CELF2: variants seen among roughly 807,000 people sequenced by gnomAD.
CELF2 encodes CUGBP Elav-like family member 2, also known as CUG triplet repeat RNA-binding protein 2.
CELF2 carries 8 observed loss-of-function variants against 62.6 expected under a neutral mutation model. That is an observed-to-expected ratio of 0.13 (90% CI 0.07 to 0.23). CELF2 has a LOEUF of 0.23. CELF2 is among the 10% of genes least tolerant of loss of function. CELF2 has a pLI of 1.00. For synonymous variants in CELF2, 258 were observed against 250.0 expected (o/e 1.03, Z -0.30); for missense variants, 333 against 671.0 (o/e 0.50, Z 5.56).
At chr10:11,271,519 G>A (rs953430986) in intron 7 of CELF2, among the ~76,000 whole-genome samples, 4 of 152,188 alleles carry the variant, frequency 2.6e-5, no homozygotes, top group African/African-American at 9.7e-5. Flanking sequence ...TGAGAGCGGC[G>A]TTTGTAGTAA....
the CELF2 span, among the ~76,000 whole-genome samples, chr10:10,604,577 T>C: frequency 6.6e-6 from 1 of 152,184 alleles, no homozygotes; most frequent in African/African-American, 2.4e-5. Context: ...ATAAAATGTA[T>C]TGAATTTACT....
At chr10:10,484,790 A>C in the CELF2 span, among the ~76,000 whole-genome samples, 1 of 152,118 alleles carries the variant, frequency 6.6e-6, no homozygotes, top group Non-Finnish European at 1.5e-5. Context: ...AATACTATCA[A>C]ATCACACAAT....
In CELF2 at chr10:11,156,549, T is replaced by C. The variant is rs1008720107; in HGVS notation, c.75-8937T>C. Reference sequence around the variant, plus strand: ...AAGGCTTACTTATTTGCCTATTTCATGCCCACTCTAGAATATAACTCCGTG... The same window carrying C: ...AAGGCTTACTTATTTGCCTATTTCACGCCCACTCTAGAATATAACTCCGTG... On this transcript the variant is annotated intron_variant, in intron 1 of 12. Transcript: ENST00000633077. The surrounding 1 kb of genome is among the most constrained non-coding windows in gnomAD (Gnocchi z 4.3). Among the ~76,000 whole-genome samples the C allele has an allele frequency of 3.3e-5, 5 of 152,202 alleles. No homozygotes were observed. The highest frequency in any genetic ancestry group is 7.2e-5 in the African/African-American group (3 of 41,438).
chr10:11,320,628 GTAA>G, intron 10 of CELF2, among the ~76,000 whole-genome samples: 1 of 152,212 alleles, frequency 6.6e-6, no homozygotes, highest in Middle Eastern at 3.4e-3. Flanking sequence ...TTCCCACACT[GTAA>G]CTCCTCAAAC....
At position 11,302,789 on chromosome 10, in the gene CELF2, A is replaced by G. The variant is rs1038909038; in HGVS notation, c.977-11350A>G. Among the ~76,000 whole-genome samples, 2 of 152,168 alleles carry G rather than the reference A, an allele frequency of 1.3e-5. No individual in the cohort carries two copies. The highest frequency in any genetic ancestry group is 2.1e-4 in the South Asian group (1 of 4,822). On this transcript the variant is annotated intron_variant, in intron 9 of 12. Transcript: ENST00000633077. The surrounding 1 kb of genome is among the most constrained non-coding windows in gnomAD (Gnocchi z 5.0). ...TTTGTTCTCGGGTCTCTAAATTGAC[A>G]TGAGATTTTCACATTGTTCCGCTGT...
chr10:10,741,656 A>T, the CELF2 span, among the ~76,000 whole-genome samples: 1 of 152,144 alleles, frequency 6.6e-6, no homozygotes, highest in African/African-American at 2.4e-5. Flanking sequence ...CTGCCTTCTC[A>T]GTGCTTCAAA....
the CELF2 span, among the ~76,000 whole-genome samples, chr10:10,790,277 G>C: frequency 6.6e-6 from 1 of 151,824 alleles, no homozygotes; most frequent in Non-Finnish European, 1.5e-5. Flanking sequence ...ATTTGTTAAC[G>C]TTTGTGCTAA....
the CELF2 span, among the ~76,000 whole-genome samples, chr10:10,760,929 T>G: frequency 1.1e-4 from 17 of 152,272 alleles, no homozygotes; most frequent in African/African-American, 4.1e-4. Flanking sequence ...GAGTTTGGAC[T>G]TTATCTTAAG....
Position 11,321,427 on chromosome 10 carries a change from A to G in CELF2, c.1294+41A>G. ...GGCCCCAGGCAGGGCCCAGCCCAACAGGCAGCACTGGCCTCTAGAGCACGG... is the reference window on the plus strand; with the variant it reads ...GGCCCCAGGCAGGGCCCAGCCCAACGGGCAGCACTGGCCTCTAGAGCACGG... On this transcript the variant is annotated intron_variant, in intron 11 of 12. Coordinates refer to ENST00000633077, the MANE Select transcript of CELF2 (RefSeq NM_001326342.2). This position sits in a 1 kb window ranked among gnomAD's most constrained non-coding sequence, Gnocchi z 6.2. The G allele has an allele frequency of 6.5e-7, 1 of 1,542,512 alleles. No homozygotes were observed. The highest frequency in any genetic ancestry group is 8.8e-7 in the Non-Finnish European group (1 of 1,130,478).
At chr10:10,572,777 T>G in the CELF2 span, among the ~76,000 whole-genome samples, 1 of 152,216 alleles carries the variant, frequency 6.6e-6, no homozygotes, top group Non-Finnish European at 1.5e-5. Flanking sequence ...GCATTTGGGT[T>G]GTTTCCATGT....
At chr10:10,737,039 C>T in the CELF2 span, among the ~76,000 whole-genome samples, 451 of 152,094 alleles carry the variant, frequency 3.0e-3, 3 homozygotes, top group Non-Finnish European at 3.1e-3. Context: ...GACCCTATGA[C>T]GGATGAGCCA....
At position 11,187,525 on chromosome 10, in the gene CELF2, T is replaced by C. The variant is rs187194474; in HGVS notation, c.271+21843T>C. On this transcript the variant is annotated intron_variant, in intron 2 of 12. Transcript: ENST00000633077. ...GAGTGTTTAGATAATTAACATATAA[T>C]GTAATTGTTGATAAAGTTTGGTTTA... 6.0e-3 allele frequency among the ~76,000 whole-genome samples: 919 copies of C among 152,236 alleles called. 6 individuals are homozygous for C. The highest frequency in any genetic ancestry group is 9.9e-3 in the Non-Finnish European group (671 of 68,004).
chr10:10,759,052 C>T, the CELF2 span, among the ~76,000 whole-genome samples: 1 of 152,172 alleles, frequency 6.6e-6, no homozygotes, highest in Non-Finnish European at 1.5e-5. Flanking sequence ...CAGATCCTTG[C>T]TTCACAGAGA....
At chr10:11,044,082 A>T (rs2062361601) in intron 1 of CELF2, among the ~76,000 whole-genome samples, 1 of 152,136 alleles carries the variant, frequency 6.6e-6, no homozygotes. Context: ...TTCTTCTAAG[A>T]ATCTACTTAG....
Position 11,008,063 on chromosome 10 carries a change from T to C in CELF2, c.53+2623T>C, listed in dbSNP as rs540788401. Among the ~76,000 whole-genome samples the C allele has an allele frequency of 6.6e-6, 1 of 152,274 alleles. No individual in the cohort carries two copies. Among genetic ancestry groups the C allele is most frequent in the South Asian group, 2.1e-4 (1 of 4,814 alleles). On this transcript the variant is annotated intron_variant, in intron 1 of 12. Transcript: ENST00000416382. This position sits in a 1 kb window ranked among gnomAD's most constrained non-coding sequence, Gnocchi z 4.5. ...TTCCTTTCACCTGATAGGGACGGTG[T>C]GAGGTTGCCCGAAGCTGGCAAACTT...
At chr10:10,488,615 T>G in the CELF2 span, among the ~76,000 whole-genome samples, 1 of 152,148 alleles carries the variant, frequency 6.6e-6, no homozygotes, top group Non-Finnish European at 1.5e-5. Flanking sequence ...ACAAGGAGAT[T>G]AATTGCTCAA....
chr10:11,178,991 C>T lies in CELF2; in HGVS notation c.271+13309C>T, dbSNP rs1028561009. 1.3e-5 allele frequency among the ~76,000 whole-genome samples: 2 copies of T among 152,218 alleles called. No homozygotes were observed. Among genetic ancestry groups the T allele is most frequent in the Non-Finnish European group, 2.9e-5 (2 of 68,040 alleles). On this transcript the variant is annotated intron_variant, in intron 2 of 12. Coordinates refer to ENST00000633077, the MANE Select transcript of CELF2 (RefSeq NM_001326342.2). The surrounding 1 kb of genome is among the most constrained non-coding windows in gnomAD (Gnocchi z 4.3). ...GCCCTCTGGCCACTTCCTCCACACC[C>T]CCAGGAACATTGCCCCCATTTCACA... is the stretch of plus-strand genomic sequence containing the variant.
rs929359070 is a variant in CELF2, at chr10:11,207,528, C to T, written c.272-9897C>T. Among the ~76,000 whole-genome samples, 10 of 152,374 alleles carry T rather than the reference C, an allele frequency of 6.6e-5. No individual in the cohort carries two copies. Among genetic ancestry groups the T allele is most frequent in the African/African-American group, 2.4e-4 (10 of 41,594 alleles). ...CTCAGATTTGCTGTCTGCGAGGAAT[C>T]TTGCAGGGAAAGTGAGGAAGGATGT... is the stretch of plus-strand genomic sequence containing the variant. On this transcript the variant is annotated intron_variant, in intron 2 of 12. Transcript: ENST00000633077. The surrounding 1 kb of genome is among the most constrained non-coding windows in gnomAD (Gnocchi z 4.1).
At chr10:10,512,226 G>T in the CELF2 span, among the ~76,000 whole-genome samples, 3 of 152,208 alleles carry the variant, frequency 2.0e-5, no homozygotes, top group East Asian at 5.8e-4. Flanking sequence ...TGGGAACTCA[G>T]TCAATATCTG....
Sources: gnomAD v4.1 joint callset for allele counts (sites outside exome capture counted in the v4.1 genomes callset) on GRCh38, gnomAD v4.1.1 for gene constraint, Gnocchi (gnomAD v3.1) non-coding constraint, MANE v1.5 for transcripts, NCBI Gene and HGNC (gene_info 2026-07-23, HGNC 2026-07-21) for gene names.